MALAT1: variants seen among roughly 807,000 people sequenced by gnomAD.
MALAT1 encodes the protein metastasis associated lung adenocarcinoma transcript 1.
At chr11:65,503,824 C>T (rs755004975) in exon 3 of MALAT1, 3 of 516,184 alleles carry the variant, frequency 5.8e-6, no homozygotes, top group Non-Finnish European at 1.2e-5. Context: ...TTTTATTCTT[C>T]ATAAAGTGAT....
At chr11:65,502,905 C>G (rs763719044) in exon 3 of MALAT1, 2 of 491,998 alleles carry the variant, frequency 4.1e-6, no homozygotes, top group Admixed American at 4.3e-5. Context: ...CAAGCTATAA[C>G]CACAAAAATA....
chr11:65,500,809 C>T (rs944875306), exon 3 of MALAT1: 1 of 518,764 alleles, frequency 1.9e-6, no homozygotes, highest in Admixed American at 1.9e-5. Flanking sequence ...CTGGAACTTA[C>T]TTATGGTAAC....
exon 3 of MALAT1, chr11:65,500,248 T>C (rs771506612): frequency 5.8e-6 from 3 of 518,266 alleles, no homozygotes; most frequent in South Asian, 2.8e-5. Flanking sequence ...GCCTTAAATA[T>C]AGTAGCTTAG....
exon 4 of MALAT1, chr11:65,506,393 C>A: frequency 4.9e-6 from 2 of 406,328 alleles, no homozygotes; most frequent in Non-Finnish European, 9.6e-6. Context: ...CAGGTAATAG[C>A]CTGCAGCTGG....
intron 3 of MALAT1, chr11:65,506,011 T>A (rs775256538): frequency 6.5e-6 from 3 of 464,558 alleles, no homozygotes; most frequent in South Asian, 4.8e-5. Context: ...CCAATGCTCT[T>A]CAGTAGGGTC....
intron 3 of MALAT1, chr11:65,504,872 AG>A (rs1854644908): frequency 1.9e-6 from 1 of 518,844 alleles, no homozygotes; most frequent in African/African-American, 1.9e-5. Context: ...AGACCCAGTA[AG>A]AAAAAATAGC....
chr11:65,503,463 A>G (rs1296251264), exon 3 of MALAT1: 1 of 517,348 alleles, frequency 1.9e-6, no homozygotes, highest in East Asian at 5.4e-5. Context: ...CTTGATGCCA[A>G]CTAAGGAAAT....
At chr11:65,501,176 T>C in exon 3 of MALAT1, 1 of 514,764 alleles carries the variant, frequency 1.9e-6, no homozygotes, top group Non-Finnish European at 3.9e-6. Flanking sequence ...ATTCGTTTTG[T>C]AAATGTAGAG....
At chr11:65,498,987 AT>A (rs1247858838) in exon 3 of MALAT1, 1 of 518,816 alleles carries the variant, frequency 1.9e-6, no homozygotes, top group African/African-American at 1.9e-5. Flanking sequence ...AGGTGATCGA[AT>A]TCCGGTGATG....
exon 3 of MALAT1, chr11:65,500,808 A>C (rs752325272): frequency 5.8e-6 from 3 of 518,782 alleles, no homozygotes. Flanking sequence ...TCTGGAACTT[A>C]CTTATGGTAA....
exon 3 of MALAT1, chr11:65,500,441 G>C: frequency 1.9e-6 from 1 of 518,978 alleles, no homozygotes; most frequent in Non-Finnish European, 3.8e-6. Flanking sequence ...GAAGACAGCA[G>C]CAGACAGGAT....
At chr11:65,499,169 A>T (rs1854477382) in exon 3 of MALAT1, 1 of 510,356 alleles carries the variant, frequency 2.0e-6, no homozygotes, top group South Asian at 1.4e-5. Context: ...AAATATAGTC[A>T]ATAGGTTACT....
At chr11:65,503,872 C>T (rs1311684195) in exon 3 of MALAT1, 2 of 517,880 alleles carry the variant, frequency 3.9e-6, no homozygotes, top group East Asian at 1.1e-4. Flanking sequence ...CAATAGAGGC[C>T]CTCTAAATAA....
chr11:65,504,907 C>G, intron 3 of MALAT1: 1 of 518,902 alleles, frequency 1.9e-6, no homozygotes, highest in Non-Finnish European at 3.8e-6. Flanking sequence ...ATAAACCAAA[C>G]ATTCCATTTT....
At chr11:65,501,652 A>C (rs1213129426) in exon 3 of MALAT1, 1 of 518,902 alleles carries the variant, frequency 1.9e-6, no homozygotes, top group Non-Finnish European at 3.8e-6. Context: ...TGCTGTTGGC[A>C]CGAACACCTT....
chr11:65,499,486 ATC>A (rs765558205), exon 3 of MALAT1: 2 of 465,380 alleles, frequency 4.3e-6, no homozygotes, highest in Non-Finnish European at 8.5e-6. Flanking sequence ...TTTGAAGGCG[ATC>A]TTTTAAAAAG....
At chr11:65,500,516 G>A (rs958771941) in exon 3 of MALAT1, 1 of 518,928 alleles carries the variant, frequency 1.9e-6, no homozygotes. Flanking sequence ...AGTTCGTGGT[G>A]AAGATAGGAA....
intron 3 of MALAT1, chr11:65,505,338 CCTCT>C (rs1854658370): frequency 1.9e-6 from 1 of 518,732 alleles, no homozygotes; most frequent in African/African-American, 1.9e-5. Flanking sequence ...GCCTCAACTC[CCTCT>C]TTCTGGAGTG....
exon 3 of MALAT1, chr11:65,501,811 A>G (rs754840353): frequency 7.7e-6 from 4 of 518,314 alleles, no homozygotes; most frequent in Non-Finnish European, 1.5e-5. Flanking sequence ...AAGTTTTCCA[A>G]TAATGTGACT....
Sources: gnomAD v4.1 joint callset for allele counts on GRCh38, gnomAD v4.1.1 for gene constraint, MANE v1.5 for transcripts, NCBI Gene and HGNC (gene_info 2026-07-23, HGNC 2026-07-21) for gene names.